COG5: variants seen among roughly 807,000 people sequenced by gnomAD.
The protein encoded by COG5 is conserved oligomeric Golgi complex subunit 5.
COG5 carries 86 observed loss-of-function variants against 110.4 expected under a neutral mutation model. That is an observed-to-expected ratio of 0.78 (90% confidence interval 0.65 to 0.93). The LOEUF (loss-of-function observed/expected upper bound fraction) is 0.93, where lower values mean the gene tolerates loss of function less well. Among genes scored for constraint, COG5 ranks in the 40% least tolerant of loss-of-function variants. The pLI, the probability that COG5 is intolerant of heterozygous loss-of-function variation, is 0.00. For missense variants in COG5, 1,077 were observed against 987.0 expected (o/e 1.09, Z -1.22); for synonymous variants, 360 against 334.6 (o/e 1.08, Z -0.83).
At chr7:107,365,250 A>C (rs1440214464) in intron 8 of COG5, among the ~76,000 whole-genome samples, 4 of 152,174 alleles carry the variant, frequency 2.6e-5, no homozygotes, top group Non-Finnish European at 5.9e-5. Context: ...TAATACTTGA[A>C]AAATGGTTTC....
chr7:107,505,462 A>C (rs1408841516), intron 6 of COG5, among the ~76,000 whole-genome samples: 2 of 152,186 alleles, frequency 1.3e-5, no homozygotes, highest in Non-Finnish European at 2.9e-5. Flanking sequence ...CTGCACTTGG[A>C]AAGTGCTCCT....
At chr7:107,335,405 A>G (rs1186256169) in intron 10 of COG5, among the ~76,000 whole-genome samples, 1 of 152,224 alleles carries the variant, frequency 6.6e-6, no homozygotes, top group Non-Finnish European at 1.5e-5. Context: ...GTAATAAAAT[A>G]AAACAAAACA....
intron 12 of COG5, among the ~76,000 whole-genome samples, chr7:107,284,234 T>A (rs1334319230): frequency 1.3e-5 from 2 of 152,192 alleles, no homozygotes; most frequent in Non-Finnish European, 2.9e-5. Context: ...TATATTAACA[T>A]TTTAATCTCT....
chr7:107,353,553 G>T (rs1812365533), intron 10 of COG5, among the ~76,000 whole-genome samples: 1 of 151,824 alleles, frequency 6.6e-6, no homozygotes, highest in Non-Finnish European at 1.5e-5. Flanking sequence ...GAAAATAACA[G>T]GATAATTTTA....
intron 5 of COG5, among the ~76,000 whole-genome samples, chr7:107,533,961 A>G (rs1373252615): frequency 6.6e-6 from 1 of 151,694 alleles, no homozygotes; most frequent in Non-Finnish European, 1.5e-5. Context: ...GACTAACAGC[A>G]GATCTCTCTG....
intron 6 of COG5, among the ~76,000 whole-genome samples, chr7:107,511,394 C>A (rs1047897847): frequency 2.6e-5 from 4 of 152,040 alleles, no homozygotes; most frequent in Non-Finnish European, 4.4e-5. Context: ...GAAATTGTGG[C>A]AATAATCAAT....
intron 7 of COG5, among the ~76,000 whole-genome samples, chr7:107,378,879 C>T (rs1212765531): frequency 6.6e-6 from 1 of 152,152 alleles, no homozygotes; most frequent in Non-Finnish European, 1.5e-5. Flanking sequence ...ACTTCCCCAA[C>T]CTAGCAAGAC....
chr7:107,246,809 G>T (rs982867912), intron 17 of COG5, among the ~76,000 whole-genome samples: 6 of 152,168 alleles, frequency 3.9e-5, no homozygotes, highest in African/African-American at 1.4e-4. Flanking sequence ...AAGGCAGTAT[G>T]GTGATTCCTC....
At chr7:107,360,794 C>G (rs1229522473) in intron 10 of COG5, among the ~76,000 whole-genome samples, 2 of 152,248 alleles carry the variant, frequency 1.3e-5, no homozygotes, top group Non-Finnish European at 2.9e-5. Flanking sequence ...TCACATACCA[C>G]TCACTGCTCT....
intron 19 of COG5, 60 bp from the exon 20 acceptor site, chr7:107,211,285 G>C: frequency 6.4e-7 from 1 of 1,566,414 alleles, no homozygotes; most frequent in Non-Finnish European, 8.8e-7. Context: ...GTGATTTGGT[G>C]GGAGAATCAT....
chr7:107,288,285 C>T (rs139691244), intron 12 of COG5, among the ~76,000 whole-genome samples: 241 of 152,194 alleles, frequency 1.6e-3, no homozygotes, highest in African/African-American at 5.5e-3. Context: ...CTGCTTGAGC[C>T]GGAGAGTTAG....
In COG5 at chr7:107,558,133, TA is replaced by T; in HGVS notation, c.95-19del. 6.2e-7 allele frequency: 1 copy of T among 1,612,436 alleles called. No individual in the cohort carries two copies. Among genetic ancestry groups the T allele is most frequent in the Non-Finnish European group, 8.5e-7 (1 of 1,179,272 alleles). Reference sequence around the variant, plus strand: ...ATAACACCCTGGATTGGGGAAAAAATAAGGAAAAGTCCTTAATTACCCTGTA... The same window carrying T: ...ATAACACCCTGGATTGGGGAAAAAATAGGAAAAGTCCTTAATTACCCTGTA... On this transcript the variant is annotated intron_variant, in intron 1 of 21. Coordinates refer to ENST00000297135, the MANE Select transcript of COG5 (RefSeq NM_006348.5).
rs188515344 is a variant in COG5, at chr7:107,238,770, A to T, written c.1854-2083T>A. ...TTAGTGATGTTGAATGTTTTTTCAC[A>T]TATCTACTGGCCATTTGTATGTCTT... On this transcript the variant is annotated intron_variant, in intron 17 of 21. Transcript: ENST00000297135. Among the ~76,000 whole-genome samples, 456 of 152,258 alleles carry T rather than the reference A, an allele frequency of 3.0e-3. 2 individuals carry two copies. The highest frequency in any genetic ancestry group is 6.0e-3 in the South Asian group (29 of 4,832).
chr7:107,382,159 G>A (rs527853294), intron 7 of COG5, among the ~76,000 whole-genome samples: 2 of 152,268 alleles, frequency 1.3e-5, no homozygotes, highest in East Asian at 3.9e-4. Flanking sequence ...CCCTGTACAG[G>A]GTTCCTGACC....
At chr7:107,400,438 AAG>A (rs1178384971) in intron 7 of COG5, among the ~76,000 whole-genome samples, 21 of 152,292 alleles carry the variant, frequency 1.4e-4, no homozygotes, top group Non-Finnish European at 1.9e-4. Flanking sequence ...ACTCCAGCAC[AAG>A]AGTGTTTAAA....
intron 10 of COG5, among the ~76,000 whole-genome samples, chr7:107,345,086 T>C (rs1015086142): frequency 2.0e-5 from 3 of 152,086 alleles, no homozygotes; most frequent in Admixed American, 1.3e-4. Context: ...TCAATATTGT[T>C]GTGTCTCAGG....
At chr7:107,267,700 A>G (rs1196720518) in intron 14 of COG5, among the ~76,000 whole-genome samples, 3 of 152,196 alleles carry the variant, frequency 2.0e-5, no homozygotes, top group Admixed American at 6.5e-5. Context: ...GGGATACAGA[A>G]TAACTAAAAT....
chr7:107,339,682 A>G (rs181849112), intron 10 of COG5, among the ~76,000 whole-genome samples: 1 of 152,164 alleles, frequency 6.6e-6, no homozygotes, highest in Non-Finnish European at 1.5e-5. Context: ...CTTGGACCAC[A>G]GTGGAATAAA....
rs191566336 is a variant in COG5 at position 107,504,903 on chromosome 7, T to C, written c.538+22334A>G. Among the ~76,000 whole-genome samples the C allele has an allele frequency of 5.3e-5, 8 of 152,308 alleles. No individual in the cohort carries two copies. The East Asian group carries it at 1.5e-3, about 29-fold the overall frequency. ...ATCTTCTTTTTTTTCTTGGTTCATC[T>C]AGCTTAATGGTCTATCCATTTTGTT... On this transcript the variant is annotated intron_variant, in intron 6 of 21. Coordinates refer to ENST00000297135, the MANE Select transcript of COG5 (RefSeq NM_006348.5).
Sources: allele counts gnomAD v4.1 joint callset (sites outside exome capture counted in the v4.1 genomes callset), GRCh38; gene constraint gnomAD v4.1.1; transcripts MANE v1.5; gene names NCBI Gene and HGNC (gene_info 2026-07-23, HGNC 2026-07-21).